Variants in MAP2K5 observed in about 807,000 individuals in gnomAD.
MAP2K5 encodes the protein mitogen-activated protein kinase kinase 5.
In MAP2K5, 49 loss-of-function variants were observed where a neutral mutation model predicts 83.1. The ratio of observed to expected loss-of-function variants is 0.59; its 90% CI spans 0.47 to 0.75. The LOEUF (loss-of-function observed/expected upper bound fraction) is 0.75, where lower values mean the gene tolerates loss of function less well. Among genes scored for constraint, MAP2K5 ranks in the 30% least tolerant of loss-of-function variants. MAP2K5 has a pLI of 0.00. For synonymous variants in MAP2K5, 202 were observed against 191.8 expected, an observed-to-expected ratio of 1.05 and a Z score of -0.44; for missense variants, 457 against 557.5, an observed-to-expected ratio of 0.82 and a Z score of 1.82.
rs2089861932 is a variant in MAP2K5 at position 67,757,420 on chromosome 15, A to T, written c.1134+8819A>T. Reference sequence around the variant, plus strand: ...AACCCAACCTATAAAATAGATGAACATGAAGCTATTTTGGTTTGGTCAGAG... The same window carrying T: ...AACCCAACCTATAAAATAGATGAACTTGAAGCTATTTTGGTTTGGTCAGAG... On this transcript the variant is annotated intron_variant, in intron 19 of 21. Transcript: ENST00000178640. The surrounding 1 kb of genome is among the most constrained non-coding windows in gnomAD (Gnocchi z 4.9). Among the ~76,000 whole-genome samples the T allele has an allele frequency of 6.6e-6, 1 of 152,208 alleles. No homozygotes were observed. Among genetic ancestry groups the T allele is most frequent in the Admixed American group, 6.5e-5 (1 of 15,280 alleles).
At chr15:67,685,984 T>G (rs1012319473) in intron 13 of MAP2K5, among the ~76,000 whole-genome samples, 2 of 152,182 alleles carry the variant, frequency 1.3e-5, no homozygotes, top group African/African-American at 4.8e-5. Flanking sequence ...CACTTATGAC[T>G]CTTTACAGGA....
intron 11 of MAP2K5, 33 bp from the exon 12 acceptor site, chr15:67,658,518 TCA>T (rs1567341149): frequency 2.6e-6 from 4 of 1,540,136 alleles, no homozygotes; most frequent in African/African-American, 1.4e-5. Flanking sequence ...TCTGGTAATT[TCA>T]TTTGTAGTAA....
chr15:67,777,168 TG>T lies in MAP2K5; in HGVS notation c.1242+4420del, dbSNP rs2090254258. Among the ~76,000 whole-genome samples, 1 of 151,890 alleles carries T rather than the reference TG, an allele frequency of 6.6e-6. No homozygotes were observed. On this transcript the variant is annotated intron_variant, in intron 21 of 21. Transcript: ENST00000178640. This position sits in a 1 kb window ranked among gnomAD's most constrained non-coding sequence, Gnocchi z 6.0. ...GGAGAGTGCTTGCTTGAGGGTGGGGTGGGGTGCTTTCTATGGGGTTCAGCAG... is the reference window on the plus strand; with the variant it reads ...GGAGAGTGCTTGCTTGAGGGTGGGGTGGGTGCTTTCTATGGGGTTCAGCAG...
chr15:67,664,686 G>A lies in MAP2K5; in HGVS notation c.847+41G>A, dbSNP rs199912214. On this transcript the variant is annotated intron_variant, in intron 13 of 21. Transcript: ENST00000178640. ...ATAAGCTTGGATTTAATTTGGGGTG[G>A]GGTTGGGTCTCTCCAGATACCTTGA... The A allele has an allele frequency of 2.5e-5, 35 of 1,407,140 alleles. No homozygotes were observed. In the East Asian group the frequency reaches 7.5e-4, roughly 30 times the overall value. The allele number at this position is 1,407,140 out of a possible 1,614,324, so 87.2% of individuals were successfully genotyped here. A position where few individuals can be genotyped will look rare whatever the true frequency, so the allele number is the denominator to read the frequency against.
intron 3 of MAP2K5, among the ~76,000 whole-genome samples, chr15:67,570,665 C>T (rs955928087): frequency 6.6e-6 from 1 of 152,142 alleles, no homozygotes; most frequent in Non-Finnish European, 1.5e-5. Flanking sequence ...ACTAATGACA[C>T]ATCTGAGTAG....
chr15:67,586,093 T>C (rs1341281977), intron 5 of MAP2K5, among the ~76,000 whole-genome samples, 163 bp downstream of exon 5: 1 of 152,202 alleles, frequency 6.6e-6, no homozygotes, highest in Non-Finnish European at 1.5e-5. Context: ...TAGTATTTGC[T>C]CAGTATGTGT....
chr15:67,806,943 C>A lies in MAP2K5; in HGVS notation c.*193C>A. ...GTGGCCCACCCCACCAGGCCATCCC[C>A]ATACCTTCTGGTTTGAAGGCGCTGA... On this transcript the variant is annotated 3_prime_UTR_variant, in exon 22 of 22. Transcript: ENST00000178640. 6.4e-7 allele frequency: 1 copy of A among 1,571,710 alleles called. No individual in the cohort carries two copies. The highest frequency in any genetic ancestry group is 8.6e-7 in the Non-Finnish European group (1 of 1,166,938).
At chr15:67,610,998 T>C (rs2085909481) in intron 8 of MAP2K5, among the ~76,000 whole-genome samples, 1 of 152,230 alleles carries the variant, frequency 6.6e-6, no homozygotes, top group Non-Finnish European at 1.5e-5. Flanking sequence ...AAATTAGAAC[T>C]TGCTTTAGGG....
At chr15:67,797,808 G>T (rs1282522726) in intron 21 of MAP2K5, among the ~76,000 whole-genome samples, 1 of 152,046 alleles carries the variant, frequency 6.6e-6, no homozygotes. Context: ...TCAGCCTCTG[G>T]AGTAGCTAGG....
Position 67,719,905 on chromosome 15 carries a change from T to C in MAP2K5, c.1045-8011T>C, listed in dbSNP as rs2088913592. Reference sequence around the variant, plus strand: ...GAGTCTCTCACGAATTTCCTCTCAGTGCACAGAATACCATGGAAAAAGACC... The same window carrying C: ...GAGTCTCTCACGAATTTCCTCTCAGCGCACAGAATACCATGGAAAAAGACC... On this transcript the variant is annotated intron_variant, in intron 16 of 21. Transcript: ENST00000178640. This position sits in a 1 kb window ranked among gnomAD's most constrained non-coding sequence, Gnocchi z 4.6. 6.6e-6 allele frequency among the ~76,000 whole-genome samples: 1 copy of C among 152,220 alleles called. No homozygotes were observed. Among genetic ancestry groups the C allele is most frequent in the African/African-American group, 2.4e-5 (1 of 41,456 alleles).
At chr15:67,585,767 A>G in intron 4 of MAP2K5, 123 bp from the exon 5 acceptor site, 1 of 799,832 alleles carries the variant, frequency 1.3e-6, no homozygotes, top group Non-Finnish European at 2.1e-6. Context: ...CTTGGGAGCC[A>G]CTTTTCAATC....
At chr15:67,605,985 T>C (rs1020375319) in intron 8 of MAP2K5, among the ~76,000 whole-genome samples, 1 of 152,248 alleles carries the variant, frequency 6.6e-6, no homozygotes, top group African/African-American at 2.4e-5. Flanking sequence ...CCTTCAGTGC[T>C]TAGTATCTGT....
At chr15:67,629,012 CTT>C (rs2086396201) in intron 8 of MAP2K5, 2 of 758,030 alleles carry the variant, frequency 2.6e-6, no homozygotes, top group Non-Finnish European at 4.8e-6. Context: ...AGGGAGGAAA[CTT>C]TGGAGGCAGA....
Position 67,748,986 on chromosome 15 carries a change from G to A in MAP2K5, c.1134+385G>A, listed in dbSNP as rs958951181. On this transcript the variant is annotated intron_variant, in intron 19 of 21. Transcript: ENST00000178640. The surrounding 1 kb of genome is among the most constrained non-coding windows in gnomAD (Gnocchi z 4.0). ...GGTCAGAGTTGAAGAGCAAGCATAAGCTGGATGAAATTTGCCTGCCTTGAG... is the reference window on the plus strand; with the variant it reads ...GGTCAGAGTTGAAGAGCAAGCATAAACTGGATGAAATTTGCCTGCCTTGAG... Among the ~76,000 whole-genome samples the A allele has an allele frequency of 6.6e-6, 1 of 152,216 alleles. No individual in the cohort carries two copies. The highest frequency in any genetic ancestry group is 2.4e-5 in the African/African-American group (1 of 41,446).
rs2089896132 is a variant in MAP2K5 at position 67,758,990 on chromosome 15, A to G, written c.1134+10389A>G. Among the ~76,000 whole-genome samples, 1 of 152,220 alleles carries G rather than the reference A, an allele frequency of 6.6e-6. No individual in the cohort carries two copies. The highest frequency in any genetic ancestry group is 1.5e-5 in the Non-Finnish European group (1 of 68,042). ...AACTCAGTTCAGTTTTGCTGTCTAT[A>G]TGAATGACCGCACATCTTTCAGTTA... is the stretch of plus-strand genomic sequence containing the variant. On this transcript the variant is annotated intron_variant, in intron 19 of 21. Transcript: ENST00000178640. The surrounding 1 kb of genome is among the most constrained non-coding windows in gnomAD (Gnocchi z 4.7).
rs908051702 is a variant in MAP2K5 at position 67,623,101 on chromosome 15, C to CA, written c.546-7778dup. On this transcript the variant is annotated intron_variant, in intron 8 of 21. Transcript: ENST00000178640. ...TGGGCGACAGAGCGAGACTCCGTCT[C>CA]AAAAAAAAAGAAAGCATATTAAAGG... Among the ~76,000 whole-genome samples, 17 of 150,130 alleles carry CA rather than the reference C, an allele frequency of 1.1e-4. No homozygotes were observed. In the East Asian group the frequency reaches 2.1e-3, roughly 19 times the overall value.
intron 8 of MAP2K5, among the ~76,000 whole-genome samples, chr15:67,604,949 G>GATCCGTAAAAGGCTTAGCA (rs1567304497): frequency 6.6e-6 from 1 of 152,140 alleles, no homozygotes; most frequent in African/African-American, 2.4e-5. Flanking sequence ...AAGGCTTAGC[G>GATCCGTAAAAGGCTTAGCA]CTATGACTGA....
At chr15:67,683,708 C>G (rs1313986095) in intron 13 of MAP2K5, among the ~76,000 whole-genome samples, 1 of 151,938 alleles carries the variant, frequency 6.6e-6, no homozygotes, top group Non-Finnish European at 1.5e-5. Flanking sequence ...GGCAGTGAGC[C>G]GAGATCGCGC....
At chr15:67,609,560 TTCTGTAGAC>T (rs2085868437) in intron 8 of MAP2K5, among the ~76,000 whole-genome samples, 1 of 7,046 alleles carries the variant, frequency 1.4e-4, no homozygotes, top group Non-Finnish European at 5.9e-4. Context: ...GGTCTGTAGA[TTCTGTAGAC>T]CTATTCTATA....
Sources: gnomAD v4.1 joint callset for allele counts (sites outside exome capture counted in the v4.1 genomes callset) on GRCh38, gnomAD v4.1.1 for gene constraint, Gnocchi (gnomAD v3.1) non-coding constraint, MANE v1.5 for transcripts, NCBI Gene and HGNC (gene_info 2026-07-23, HGNC 2026-07-21) for gene names.